Variants in HERC6 observed in about 807,000 individuals in gnomAD.
HERC6 encodes probable E3 ubiquitin-protein ligase HERC6.
A neutral mutation model predicts 114.5 loss-of-function variants in HERC6; 101 were observed. The observed-to-expected ratio is 0.88, with a 90% CI of 0.75 to 1.04. HERC6 has a LOEUF of 1.04. HERC6 is among the 50% of genes least tolerant of loss of function. The probability of loss-of-function intolerance (pLI) is 0.00; values close to 1 mark genes in which losing one functional copy is unlikely to be tolerated. For missense variants in HERC6, 1,133 were observed against 1,230.9 expected (o/e 0.92, Z 1.19); for synonymous variants, 408 against 436.2 (o/e 0.94, Z 0.81).
chr4:88,422,842 T>A (rs1390888758), intron 13 of HERC6, among the ~76,000 whole-genome samples: 1 of 152,178 alleles, frequency 6.6e-6, no homozygotes, highest in East Asian at 1.9e-4. Context: ...TCTATAAACC[T>A]TTTGGGTCTG....
At chr4:88,437,382 T>A (rs1738871966) in intron 19 of HERC6, among the ~76,000 whole-genome samples, 1 of 152,160 alleles carries the variant, frequency 6.6e-6, no homozygotes, top group Non-Finnish European at 1.5e-5. Flanking sequence ...TTAAAAGACA[T>A]TTTATTTCTG....
chr4:88,408,409 G>A (rs1735913059), intron 10 of HERC6, 115 bp from the exon 11 acceptor site: 1 of 701,380 alleles, frequency 1.4e-6, no homozygotes, highest in African/African-American at 1.8e-5. Context: ...AAGGAGGTAA[G>A]CTTTAAGAAA....
Position 88,390,668 on chromosome 4 carries a change from G to C in HERC6, c.453G>C (p.Ser151=), listed in dbSNP as rs201441201. 6 of 1,602,334 alleles carry C rather than the reference G, an allele frequency of 3.7e-6. No individual in the cohort carries two copies. Among genetic ancestry groups the C allele is most frequent in the East Asian group, 2.2e-5 (1 of 44,578 alleles). ...LALSKDSQVF[S]WGKNSHGQLG... ...TTGTTGTAGATAGCCAAGTGTTTTCGTGGGGAAAGAACAGCCATGGGCAGC... is the reference window on the plus strand; with the variant it reads ...TTGTTGTAGATAGCCAAGTGTTTTCCTGGGGAAAGAACAGCCATGGGCAGC... Residue 151 remains serine (S), a synonymous_variant, in exon 4 of 23, where the codon TCG becomes TCC. Transcript: ENST00000264346.
At chr4:88,412,104 T>C (rs1736137601) in intron 11 of HERC6, among the ~76,000 whole-genome samples, 1 of 152,198 alleles carries the variant, frequency 6.6e-6, no homozygotes, top group Non-Finnish European at 1.5e-5. Flanking sequence ...TGACTTCCTC[T>C]GAGTCTCTCC....
Position 88,442,296 on chromosome 4 carries a change from C to G in HERC6, c.2905C>G (p.Arg969Gly), listed in dbSNP as rs370325778. ...RGIQKMEIVFRCPETFSERDH... is the reference protein window; with the variant it reads ...RGIQKMEIVFGCPETFSERDH... ...CATACAGAAAATGGAAATAGTATTT[C>G]GCTGTCCTGAAACTTTCAGTGAAAG... The change falls in exon 23 of 23, where the codon CGC becomes GGC. Residue 969 changes from arginine to glycine, a missense_variant. Physicochemically the swap from Arg to Gly is moderately radical, Grantham distance 125. Transcript: ENST00000264346. 2 of 1,613,672 alleles carry G rather than the reference C, an allele frequency of 1.2e-6. No individual in the cohort carries two copies. The highest frequency in any genetic ancestry group is 2.7e-5 in the African/African-American group (2 of 75,030).
At chr4:88,401,582 C>T (rs748166485) in intron 8 of HERC6, among the ~76,000 whole-genome samples, 5 of 151,338 alleles carry the variant, frequency 3.3e-5, no homozygotes, top group African/African-American at 7.3e-5. Flanking sequence ...CAGAATCTAA[C>T]GCGTGATTGA....
chr4:88,391,508 G>C (rs185897415), intron 4 of HERC6, among the ~76,000 whole-genome samples: 3 of 152,208 alleles, frequency 2.0e-5, no homozygotes, highest in Admixed American at 2.0e-4. Context: ...TTATTCTTTG[G>C]GAGGCCATTA....
chr4:88,428,861 T>A, intron 16 of HERC6, 111 bp downstream of exon 16: 2 of 894,812 alleles, frequency 2.2e-6, no homozygotes, highest in Non-Finnish European at 3.2e-6. Flanking sequence ...TGGTTATCAA[T>A]CTTTTGGTTT....
At chr4:88,419,422 C>T (rs1578403252) in intron 13 of HERC6, among the ~76,000 whole-genome samples, 1 of 152,314 alleles carries the variant, frequency 6.6e-6, no homozygotes, top group East Asian at 1.9e-4. Flanking sequence ...AAGATTGACA[C>T]AACCATGTTA....
In HERC6 at chr4:88,435,966, CAGAG is replaced by C. The variant is rs1389968523; in HGVS notation, c.2417+79_2417+82del. ...GTTTAGGCATAAATAATCTTACACA[CAGAG>C]AGACAGATATGGTCTTCAATTTCAA... On this transcript the variant is annotated intron_variant, in intron 18 of 22. Coordinates refer to ENST00000264346, the MANE Select transcript of HERC6 (RefSeq NM_017912.4). 3 of 1,064,266 alleles carry C rather than the reference CAGAG, an allele frequency of 2.8e-6. No homozygotes were observed. The African/African-American group carries it at 4.9e-5, about 17-fold the overall frequency. 65.9% of individuals were successfully genotyped at this position (1,064,266 alleles called of 1,614,324 possible).
intron 8 of HERC6, among the ~76,000 whole-genome samples, chr4:88,400,541 G>T (rs1735478858): frequency 6.6e-6 from 1 of 152,122 alleles, no homozygotes. Context: ...CACAGTTTCA[G>T]TTATCCACAT....
At chr4:88,431,342 A>G (rs1738183090) in intron 17 of HERC6, 37 bp downstream of exon 17, 1 of 1,570,162 alleles carries the variant, frequency 6.4e-7, no homozygotes. Flanking sequence ...CCCAGAACAG[A>G]AAAGGCACCC....
intron 1 of HERC6, among the ~76,000 whole-genome samples, chr4:88,381,730 A>G (rs1734335001): frequency 6.6e-6 from 1 of 151,562 alleles, no homozygotes; most frequent in East Asian, 1.9e-4. Flanking sequence ...GCTAATTTTT[A>G]TATTTTTAGT....
intron 19 of HERC6, 51 bp downstream of exon 19, chr4:88,437,022 A>G: frequency 7.4e-7 from 1 of 1,346,146 alleles, no homozygotes; most frequent in South Asian, 1.4e-5. Flanking sequence ...CTGTTTCTAA[A>G]AAATAATTTT....
At chr4:88,383,090 T>G in intron 1 of HERC6, 131 bp from the exon 2 acceptor site, 1 of 1,151,376 alleles carries the variant, frequency 8.7e-7, no homozygotes, top group Non-Finnish European at 1.2e-6. Flanking sequence ...AAGGTCTTGA[T>G]TCAAAAGACC....
rs1283676124 is a variant in HERC6 at position 88,428,654 on chromosome 4, C to T, written c.2010C>T (p.Pro670=). 6.2e-7 allele frequency: 1 copy of T among 1,607,420 alleles called. No individual in the cohort carries two copies. ...LQKKDEFPPS[P]RFILRVRRSR... is the part of the protein sequence containing the mutation. ...AAAAGGATGAATTTCCTCCATCACC[C>T]AGATTTATACTTAGAGTCAGACGAA... The change falls in exon 16 of 23, where the codon CCC becomes CCT. Residue 670 remains proline, a synonymous_variant. Coordinates refer to ENST00000264346, the MANE Select transcript of HERC6 (RefSeq NM_017912.4).
chr4:88,435,966 C>A, intron 18 of HERC6, 75 bp downstream of exon 18: 1 of 1,064,382 alleles, frequency 9.4e-7, no homozygotes, highest in Non-Finnish European at 1.3e-6. Flanking sequence ...ATCTTACACA[C>A]AGAGAGACAG....
At chr4:88,394,122 T>C (rs376212013) in intron 5 of HERC6, among the ~76,000 whole-genome samples, 1 of 152,276 alleles carries the variant, frequency 6.6e-6, no homozygotes, top group African/African-American at 2.4e-5. Context: ...TCATAAGGTT[T>C]TCAAGATACA....
At chr4:88,422,137 AT>A (rs1353439680) in intron 13 of HERC6, among the ~76,000 whole-genome samples, 1 of 152,162 alleles carries the variant, frequency 6.6e-6, no homozygotes, top group African/African-American at 2.4e-5. Flanking sequence ...TAAAAGTTAA[AT>A]TTTTAACTGT....
Sources: gnomAD v4.1 joint callset for allele counts (sites outside exome capture counted in the v4.1 genomes callset) on GRCh38, gnomAD v4.1.1 for gene constraint, MANE v1.5 for transcripts, NCBI Gene and HGNC (gene_info 2026-07-23, HGNC 2026-07-21) for gene names.